Variants in PCSK5 observed in about 807,000 individuals in gnomAD.
PCSK5 encodes proprotein convertase subtilisin/kexin type 5, also known as prohormone convertase 5.
PCSK5 carries 129 observed loss-of-function variants against 233.2 expected under a neutral mutation model. The observed-to-expected ratio is 0.55, with a 90% CI of 0.48 to 0.64. PCSK5 has a LOEUF of 0.64. Ranked by LOEUF, PCSK5 falls within the 30% of genes least tolerant of loss-of-function variation. PCSK5 has a pLI of 0.00. For missense variants in PCSK5, 2,076 were observed against 2,430.1 expected (o/e 0.85, Z 3.06); for synonymous variants, 825 against 879.2 (o/e 0.94, Z 1.09).
chr9:76,313,986 C>T (rs1828944113), intron 30 of PCSK5, among the ~76,000 whole-genome samples: 1 of 152,218 alleles, frequency 6.6e-6, no homozygotes, highest in Non-Finnish European at 1.5e-5. Flanking sequence ...TTACCAGAGT[C>T]AGTCATTGCT....
chr9:76,007,796 T>TGTGTGTGTGTG (rs1827542652), intron 3 of PCSK5, among the ~76,000 whole-genome samples: 1 of 128,224 alleles, frequency 7.8e-6, no homozygotes, highest in Non-Finnish European at 1.6e-5. Flanking sequence ...CCGGCTAATT[T>TGTGTGTGTGTG]TGTGTGTGTG....
rs751483217 is a variant in PCSK5, at chr9:76,239,032, T to C, written c.2940T>C (p.Thr980=). The C allele has an allele frequency of 5.0e-6, 8 of 1,612,130 alleles. 1 individual carries two copies. The Middle Eastern group carries it at 8.2e-4, about 166-fold the overall frequency. ...GCTGCCCAGAGGGCCACTATGCCAC[T>C]GAGGGGAACACCTGCCTGCCCTGCC... ...GDSCPEGHYA[T]EGNTCLPCPD... is the part of the protein sequence containing the mutation. The change falls in exon 23 of 38, where the codon ACT becomes ACC. Residue 980 remains threonine, a synonymous_variant. Transcript: ENST00000674117.
chr9:76,350,195 C>A (rs1006230985), intron 35 of PCSK5, among the ~76,000 whole-genome samples: 7 of 151,812 alleles, frequency 4.6e-5, no homozygotes, highest in Non-Finnish European at 8.8e-5. Flanking sequence ...CACTATGTAA[C>A]CCTGGATAGG....
At chr9:76,351,460 GAAAGAAAGAAAGAAAGAAAGA>G (rs1564196591) in intron 36 of PCSK5, among the ~76,000 whole-genome samples, 5 of 35,490 alleles carry the variant, frequency 1.4e-4, no homozygotes, top group African/African-American at 2.9e-4. Context: ...AAGAAAGAAA[GAAAGAAAGAAAGAAAGAAAGA>G]AAGAAAGAAA....
chr9:75,977,451 A>G (rs947554546), intron 2 of PCSK5, among the ~76,000 whole-genome samples: 4 of 138,648 alleles, frequency 2.9e-5, no homozygotes, highest in African/African-American at 1.1e-4. Flanking sequence ...GTGTTTATCC[A>G]TTTTAATTGT....
intron 1 of PCSK5, among the ~76,000 whole-genome samples, chr9:75,914,424 A>G (rs915403083): frequency 3.9e-5 from 6 of 152,172 alleles, no homozygotes; most frequent in Admixed American, 2.6e-4. Flanking sequence ...CCAACAGTCC[A>G]TGGCTTTAGA....
Position 76,255,054 on chromosome 9 carries a change from AGGTG to A in PCSK5, c.3142+14376_3142+14379del, listed in dbSNP as rs35296409. On this transcript the variant is annotated intron_variant, in intron 24 of 37. Coordinates refer to ENST00000674117, the MANE Select transcript of PCSK5 (RefSeq NM_001372043.1). Reference sequence around the variant, plus strand: ...GTAATCCCAACACCTTGGGAGACTGAGGTGGGTGGATCACTTGAGGCCAGGAGTT... The same window carrying A: ...GTAATCCCAACACCTTGGGAGACTGAGGTGGATCACTTGAGGCCAGGAGTT... 4.9e-3 allele frequency among the ~76,000 whole-genome samples: 744 copies of A among 152,244 alleles called. 5 individuals are homozygous for A. Among genetic ancestry groups the A allele is most frequent in the Non-Finnish European group, 8.0e-3 (541 of 68,008 alleles).
At chr9:75,947,011 G>GTTATCTAT (rs1824606059) in intron 2 of PCSK5, among the ~76,000 whole-genome samples, 1 of 152,184 alleles carries the variant, frequency 6.6e-6, no homozygotes, top group Non-Finnish European at 1.5e-5. Context: ...TAATACAGAT[G>GTTATCTAT]TTATCTATTC....
At chr9:76,228,454 C>G (rs1161620837) in intron 21 of PCSK5, among the ~76,000 whole-genome samples, 1 of 152,176 alleles carries the variant, frequency 6.6e-6, no homozygotes, top group Non-Finnish European at 1.5e-5. Flanking sequence ...AGACTGTAAG[C>G]CACTTGAGAT....
chr9:75,997,850 A>T (rs1423327470), intron 3 of PCSK5, among the ~76,000 whole-genome samples: 1 of 152,240 alleles, frequency 6.6e-6, no homozygotes, highest in African/African-American at 2.4e-5. Context: ...ATTTGGTACA[A>T]GAGTTACAGA....
Position 76,123,949 on chromosome 9 carries a change from TTC to T in PCSK5, c.1209-10158_1209-10157del, listed in dbSNP as rs869088593. On this transcript the variant is annotated intron_variant, in intron 9 of 37. Transcript: ENST00000674117. ...GTCCTGTTTTGCTTAGTTTTAGGAT[TTC>T]TTTTTTCATTTGTATTGTAATGAAA... 1.3e-3 allele frequency among the ~76,000 whole-genome samples: 31 copies of T among 23,604 alleles called. No homozygotes were observed. The African/African-American group carries it at 0.018, about 13-fold the overall frequency. 15.5% of individuals were successfully genotyped at this position (23,604 alleles called of 152,430 possible).
intron 8 of PCSK5, among the ~76,000 whole-genome samples, chr9:76,098,396 C>T (rs148043524): frequency 6.6e-6 from 1 of 152,278 alleles, no homozygotes; most frequent in Admixed American, 6.5e-5. Context: ...AGTGATGCCC[C>T]ACTGAAATTT....
intron 24 of PCSK5, among the ~76,000 whole-genome samples, chr9:76,271,307 C>T (rs1257591465): frequency 1.3e-5 from 2 of 152,202 alleles, no homozygotes; most frequent in Non-Finnish European, 2.9e-5. Flanking sequence ...TTCCTAACCA[C>T]TCCCCTCTGC....
intron 18 of PCSK5, 90 bp from the exon 19 acceptor site, chr9:76,189,004 C>A: frequency 9.0e-7 from 1 of 1,105,592 alleles, no homozygotes; most frequent in Non-Finnish European, 1.3e-6. Context: ...TTCTTTGACG[C>A]CATTTTCTCA....
chr9:76,158,665 A>G (rs73458338), intron 11 of PCSK5, among the ~76,000 whole-genome samples: 4,628 of 152,302 alleles, frequency 0.03, 232 homozygotes, highest in African/African-American at 0.1. Context: ...CTTGAGATCC[A>G]TCCCAGACCT....
In PCSK5 at chr9:76,296,748, G is replaced by A. The variant is rs199622036; in HGVS notation, c.3406G>A (p.Glu1136Lys). The part of the protein sequence containing the change: ...GECESCHRAC[E>K]TCTGPGHDEC... ...ATGTGAGTCCTGCCACCGAGCATGC[G>A]AAACCTGCACAGGCCCTGGTCATGA... The change falls in exon 27 of 38, where the codon GAA becomes AAA. Residue 1136 changes from glutamate (E) to lysine (K), a missense_variant. Glu to Lys is a moderately conservative substitution (Grantham distance 56). Coordinates refer to ENST00000674117, the MANE Select transcript of PCSK5 (RefSeq NM_001372043.1). The A allele has an allele frequency of 6.9e-5, 112 of 1,612,126 alleles. 1 individual carries two copies. In the South Asian group the frequency reaches 1.0e-3, roughly 14 times the overall value.
chr9:75,908,909 ATCTATCTATCTATCTC>A (rs1462150663), intron 1 of PCSK5, among the ~76,000 whole-genome samples: 86 of 127,890 alleles, frequency 6.7e-4, no homozygotes, highest in African/African-American at 2.4e-3. Flanking sequence ...CTATCTATCT[ATCTATCTATCTATCTC>A]TCTATCTCTC....
At chr9:76,026,590 T>A (rs1052761165) in intron 4 of PCSK5, among the ~76,000 whole-genome samples, 4 of 152,094 alleles carry the variant, frequency 2.6e-5, no homozygotes, top group Non-Finnish European at 5.9e-5. Flanking sequence ...ATAAATCACT[T>A]TGTGCCTAGG....
chr9:76,349,273 CAAAAAA>C (rs71372068), intron 35 of PCSK5, among the ~76,000 whole-genome samples: 18 of 66,516 alleles, frequency 2.7e-4, no homozygotes, highest in East Asian at 9.3e-4. Flanking sequence ...GACTCTGTCT[CAAAAAA>C]AAAAAAAAAA....
Sources: gnomAD v4.1 joint callset for allele counts (sites outside exome capture counted in the v4.1 genomes callset) on GRCh38, gnomAD v4.1.1 for gene constraint, MANE v1.5 for transcripts, NCBI Gene and HGNC (gene_info 2026-07-23, HGNC 2026-07-21) for gene names.